Variants in B3GALT1 observed in about 807,000 individuals in gnomAD.
The protein encoded by B3GALT1 is beta-1,3-galactosyltransferase 1.
In B3GALT1, 10 loss-of-function variants were observed where a neutral mutation model predicts 23.2. The observed-to-expected ratio is 0.43, with a 90% confidence interval of 0.27 to 0.73. The LOEUF (loss-of-function observed/expected upper bound fraction) is 0.73, where lower values mean the gene tolerates loss of function less well. B3GALT1 is among the 30% of genes least tolerant of loss of function. The probability of loss-of-function intolerance (pLI) is 0.21; values close to 1 mark genes in which losing one functional copy is unlikely to be tolerated. For synonymous variants in B3GALT1, 156 were observed against 141.5 expected (o/e 1.10, Z -0.73); for missense variants, 299 against 405.4 (o/e 0.74, Z 2.25).
intron 2 of B3GALT1, among the ~76,000 whole-genome samples, chr2:167,623,389 T>C (rs1046439378): frequency 6.6e-6 from 1 of 151,952 alleles, no homozygotes; most frequent in Non-Finnish European, 1.5e-5. Flanking sequence ...ATAAAGAAAA[T>C]GTGGCACATA....
chr2:167,600,077 C>A (rs1263956739), intron 2 of B3GALT1, among the ~76,000 whole-genome samples: 1 of 152,136 alleles, frequency 6.6e-6, no homozygotes, highest in East Asian at 1.9e-4. Context: ...TTATTTATTT[C>A]TTTTCTGATG....
intron 1 of B3GALT1, among the ~76,000 whole-genome samples, chr2:167,441,294 C>T (rs1698889754): frequency 2.0e-5 from 3 of 152,186 alleles, no homozygotes; most frequent in South Asian, 4.1e-4. Context: ...GTTGTTCTTT[C>T]ATCTTTAGCT....
chr2:167,459,637 G>A (rs11892494), intron 1 of B3GALT1, among the ~76,000 whole-genome samples: 4,565 of 152,186 alleles, frequency 0.03, 208 homozygotes, highest in African/African-American at 0.1. Flanking sequence ...AGATTTACAA[G>A]TCATTATTAT....
At chr2:167,347,541 A>G (rs959207910) in intron 1 of B3GALT1, among the ~76,000 whole-genome samples, 3 of 152,124 alleles carry the variant, frequency 2.0e-5, no homozygotes, top group Admixed American at 6.6e-5. Flanking sequence ...TTTCATTTGT[A>G]TTATTTAAAA....
At chr2:167,858,141 A>G (rs1690032486) in intron 4 of B3GALT1, among the ~76,000 whole-genome samples, 1 of 152,124 alleles carries the variant, frequency 6.6e-6, no homozygotes, top group Non-Finnish European at 1.5e-5. Flanking sequence ...TATATTTGAG[A>G]AAAGCAAAAT....
chr2:167,676,610 G>T (rs1462166507), intron 3 of B3GALT1, among the ~76,000 whole-genome samples: 7 of 151,924 alleles, frequency 4.6e-5, no homozygotes, highest in African/African-American at 1.7e-4. Context: ...TGCCCAGGCT[G>T]GGGTGCAGTG....
At chr2:167,293,766 T>G (rs1696297765) in intron 1 of B3GALT1, among the ~76,000 whole-genome samples, 1 of 151,898 alleles carries the variant, frequency 6.6e-6, no homozygotes, top group East Asian at 2.0e-4. Flanking sequence ...AAATTGAACT[T>G]TATTGCGGTG....
intron 1 of B3GALT1, among the ~76,000 whole-genome samples, chr2:167,305,126 C>G: frequency 6.6e-6 from 1 of 152,168 alleles, no homozygotes; most frequent in East Asian, 1.9e-4. Flanking sequence ...ACCTAGGTAT[C>G]CTTTAGCTCA....
At chr2:167,506,787 G>T (rs1699924450) in intron 2 of B3GALT1, among the ~76,000 whole-genome samples, 1 of 144,432 alleles carries the variant, frequency 6.9e-6, no homozygotes, top group South Asian at 2.3e-4. Context: ...ATTTGGATTT[G>T]GATGGTGGAG....
At chr2:167,810,969 C>T (rs1310235517) in intron 3 of B3GALT1, among the ~76,000 whole-genome samples, 1 of 152,162 alleles carries the variant, frequency 6.6e-6, no homozygotes, top group Admixed American at 6.6e-5. Context: ...GCCTAAACAT[C>T]AGAGAAGTTC....
chr2:167,651,837 A>G (rs1685875445), intron 3 of B3GALT1, among the ~76,000 whole-genome samples: 1 of 152,184 alleles, frequency 6.6e-6, no homozygotes, highest in Non-Finnish European at 1.5e-5. Context: ...TCCCTGGGAA[A>G]CATTTAATGG....
intron 3 of B3GALT1, among the ~76,000 whole-genome samples, chr2:167,718,244 A>G (rs1392640117): frequency 1.3e-5 from 2 of 152,090 alleles, no homozygotes; most frequent in Non-Finnish European, 2.9e-5. Flanking sequence ...AATGTGGATT[A>G]ACGGTTATTA....
chr2:167,782,702 G>A (rs1391699754), intron 3 of B3GALT1, among the ~76,000 whole-genome samples: 2 of 152,020 alleles, frequency 1.3e-5, no homozygotes, highest in Admixed American at 6.6e-5. Flanking sequence ...ATTTTAACAG[G>A]GTGTGCATGT....
intron 1 of B3GALT1, among the ~76,000 whole-genome samples, chr2:167,342,890 C>T (rs936422364): frequency 6.6e-6 from 1 of 152,110 alleles, no homozygotes; most frequent in Non-Finnish European, 1.5e-5. Context: ...AATTATGCTT[C>T]TTGGCTCTTA....
intron 1 of B3GALT1, among the ~76,000 whole-genome samples, chr2:167,449,403 G>A (rs1344474417): frequency 2.0e-5 from 3 of 152,092 alleles, no homozygotes; most frequent in African/African-American, 7.2e-5. Context: ...CTTGGTCACT[G>A]TTGGTGTATA....
chr2:167,829,948 A>G (rs962115283), intron 4 of B3GALT1, among the ~76,000 whole-genome samples: 1 of 152,204 alleles, frequency 6.6e-6, no homozygotes, highest in African/African-American at 2.4e-5. Context: ...GGGGCTGACT[A>G]CAAGTAACCA....
intron 3 of B3GALT1, among the ~76,000 whole-genome samples, chr2:167,786,198 A>T (rs1030714735): frequency 6.6e-6 from 1 of 152,238 alleles, no homozygotes; most frequent in African/African-American, 2.4e-5. Flanking sequence ...GACAATTTTT[A>T]GAAAATCTGG....
At chr2:167,799,279 C>T (rs1034260471) in intron 3 of B3GALT1, among the ~76,000 whole-genome samples, 1 of 152,084 alleles carries the variant, frequency 6.6e-6, no homozygotes, top group Non-Finnish European at 1.5e-5. Flanking sequence ...AATTCCAGTG[C>T]TCCCACCGTC....
intron 3 of B3GALT1, among the ~76,000 whole-genome samples, chr2:167,773,583 T>C (rs142413434): frequency 9.8e-4 from 149 of 152,334 alleles, no homozygotes; most frequent in African/African-American, 3.5e-3. Flanking sequence ...TATATTGTAG[T>C]GGCAGACCCT....
Sources: gnomAD v4.1 joint callset for allele counts (sites outside exome capture counted in the v4.1 genomes callset) on GRCh38, gnomAD v4.1.1 for gene constraint, MANE v1.5 for transcripts, NCBI Gene and HGNC (gene_info 2026-07-23, HGNC 2026-07-21) for gene names.